The following MBNL2 variants were observed in gnomAD, a reference collection of about 807,000 sequenced individuals.
MBNL2 encodes muscleblind-like protein 2.
Under a neutral mutation model 41.9 loss-of-function variants are expected in MBNL2, and 17 were observed. The observed-to-expected ratio is 0.41, with a 90% CI of 0.28 to 0.61. The LOEUF is 0.61. MBNL2 is among the 20% of genes least tolerant of loss of function. MBNL2 has a pLI of 0.35. For missense variants in MBNL2, 336 were observed against 505.6 expected (o/e 0.66, Z 3.22); for synonymous variants, 195 against 182.9 (o/e 1.07, Z -0.53).
intron 7 of MBNL2, among the ~76,000 whole-genome samples, chr13:97,361,683 C>T (rs1490990513): frequency 1.3e-5 from 2 of 150,652 alleles, no homozygotes; most frequent in African/African-American, 4.9e-5. Flanking sequence ...ACATGCATGG[C>T]ACAGCAAAGC....
chr13:97,298,333 G>A (rs918387814), intron 2 of MBNL2, among the ~76,000 whole-genome samples: 6 of 152,164 alleles, frequency 3.9e-5, no homozygotes, highest in Non-Finnish European at 5.9e-5. Context: ...GAATAAATCT[G>A]TCTATTTGCT....
At chr13:97,208,583 TAA>T in the MBNL2 span, among the ~76,000 whole-genome samples, 2 of 152,104 alleles carry the variant, frequency 1.3e-5, no homozygotes, top group African/African-American at 4.8e-5. Context: ...ACAGGCCATG[TAA>T]AAAAAGTCTC....
the MBNL2 span, among the ~76,000 whole-genome samples, chr13:97,167,143 G>C: frequency 6.6e-6 from 1 of 152,162 alleles, no homozygotes; most frequent in African/African-American, 2.4e-5. Flanking sequence ...GCAGCTGCTT[G>C]TCTATATTGA....
At chr13:97,155,591 C>A in the MBNL2 span, among the ~76,000 whole-genome samples, 3 of 149,590 alleles carry the variant, frequency 2.0e-5, 1 homozygote, top group East Asian at 4.0e-4. Context: ...GTTCCCCTTC[C>A]TGTGTCCATG....
At chr13:97,354,491 T>C (rs1007224268) in intron 5 of MBNL2, among the ~76,000 whole-genome samples, 2 of 152,106 alleles carry the variant, frequency 1.3e-5, no homozygotes, top group African/African-American at 4.8e-5. Context: ...GAGATCTGCC[T>C]CTAATAAAGA....
intron 1 of MBNL2, among the ~76,000 whole-genome samples, chr13:97,273,775 T>C (rs1382276207): frequency 2.6e-5 from 4 of 152,148 alleles, no homozygotes; most frequent in Non-Finnish European, 5.9e-5. Context: ...AAAGCCCTAT[T>C]GCAGGCCGGA....
the MBNL2 span, among the ~76,000 whole-genome samples, chr13:97,179,139 C>G: frequency 6.6e-6 from 1 of 152,146 alleles, no homozygotes; most frequent in African/African-American, 2.4e-5. Context: ...ACAAGCAACG[C>G]CTCCCTTAAC....
the MBNL2 span, among the ~76,000 whole-genome samples, chr13:97,155,442 T>C: frequency 6.6e-6 from 1 of 151,090 alleles, no homozygotes; most frequent in Non-Finnish European, 1.5e-5. Flanking sequence ...CACGTGCACA[T>C]TGTGCAGGTT....
intron 3 of MBNL2, 116 bp from the exon 4 acceptor site, chr13:97,342,900 T>C: frequency 1.6e-6 from 1 of 642,216 alleles, no homozygotes; most frequent in South Asian, 1.9e-5. Flanking sequence ...AGCATTGAGC[T>C]ATACAATTAA....
intron 2 of MBNL2, among the ~76,000 whole-genome samples, chr13:97,309,175 C>G (rs1283120869): frequency 2.0e-5 from 3 of 152,124 alleles, no homozygotes; most frequent in African/African-American, 7.2e-5. Flanking sequence ...AGCTTGCACG[C>G]CCAAGTGAGG....
rs199900529 is a variant in MBNL2 at position 97,346,344 on chromosome 13, AATAG to A, written c.541-457_541-454del. On this transcript the variant is annotated intron_variant, in intron 4 of 8. Transcript: ENST00000679496. This position sits in a 1 kb window ranked among gnomAD's most constrained non-coding sequence, Gnocchi z 4.2. ...AGGGATAGATTGATAGATGATAGAT[AATAG>A]ATGATGGATGAATGAACAGGTGGAT... is the stretch of plus-strand genomic sequence containing the variant. Among the ~76,000 whole-genome samples, 241 of 152,190 alleles carry A rather than the reference AATAG, an allele frequency of 1.6e-3. No homozygotes were observed. Among genetic ancestry groups the A allele is most frequent in the African/African-American group, 5.6e-3 (233 of 41,514 alleles).
chr13:97,149,708 A>G, the MBNL2 span, among the ~76,000 whole-genome samples: 1 of 152,174 alleles, frequency 6.6e-6, no homozygotes. Flanking sequence ...TTGGTGGAGC[A>G]GAGGTTGGGA....
chr13:97,325,867 T>C (rs2059870727), intron 2 of MBNL2, among the ~76,000 whole-genome samples: 1 of 152,222 alleles, frequency 6.6e-6, no homozygotes, highest in Non-Finnish European at 1.5e-5. Context: ...ACAAAATTAA[T>C]GTCAGGGGCC....
the MBNL2 span, among the ~76,000 whole-genome samples, chr13:97,172,298 A>G: frequency 1.3e-5 from 2 of 151,974 alleles, no homozygotes; most frequent in East Asian, 1.9e-4. Flanking sequence ...GCACATTCCT[A>G]TTTCCTCTAT....
chr13:97,381,859 G>A (rs1268570669), intron 8 of MBNL2, among the ~76,000 whole-genome samples: 1 of 151,622 alleles, frequency 6.6e-6, no homozygotes, highest in Non-Finnish European at 1.5e-5. Flanking sequence ...TTAATATTAT[G>A]TAACATATTG....
chr13:97,249,494 T>C (rs1379809873), intron 1 of MBNL2, among the ~76,000 whole-genome samples: 3 of 152,244 alleles, frequency 2.0e-5, no homozygotes, highest in African/African-American at 7.2e-5. Context: ...CCTGACAGTC[T>C]CCATTGCTAG....
At chr13:97,324,501 T>C (rs2059758509) in intron 2 of MBNL2, among the ~76,000 whole-genome samples, 1 of 152,200 alleles carries the variant, frequency 6.6e-6, no homozygotes, top group Non-Finnish European at 1.5e-5. Flanking sequence ...ATGAATGTGG[T>C]ATCAAAAAAT....
At position 97,391,520 on chromosome 13, in the gene MBNL2, T is replaced by C; in HGVS notation, c.*71T>C. ...GTGCTGCTATCTCATATATGAGTAT[T>C]AAATATGGTATGCTTAGTATATTCC... On this transcript the variant is annotated 3_prime_UTR_variant, in exon 9 of 9. Transcript: ENST00000679496. The C allele has an allele frequency of 1.3e-6, 1 of 769,462 alleles. No individual in the cohort carries two copies. Among genetic ancestry groups the C allele is most frequent in the Non-Finnish European group, 2.4e-6 (1 of 424,424 alleles). The allele number at this position is 769,462 out of a possible 1,614,324, so 47.7% of individuals were successfully genotyped here. A position where few individuals can be genotyped will look rare whatever the true frequency, so the allele number is the denominator to read the frequency against.
At chr13:97,175,683 A>G in the MBNL2 span, among the ~76,000 whole-genome samples, 1 of 152,208 alleles carries the variant, frequency 6.6e-6, no homozygotes, top group Non-Finnish European at 1.5e-5. Context: ...TGGTAATTAC[A>G]AACTTGTATT....
Sources: allele counts gnomAD v4.1 joint callset (sites outside exome capture counted in the v4.1 genomes callset), GRCh38; gene constraint gnomAD v4.1.1; non-coding constraint Gnocchi (gnomAD v3.1); transcripts MANE v1.5; gene names NCBI Gene and HGNC (gene_info 2026-07-23, HGNC 2026-07-21).